Variants in CNBD1 observed in about 807,000 individuals in gnomAD.
CNBD1 encodes cyclic nucleotide binding domain containing 1, also known as cyclic nucleotide-binding domain-containing protein 1.
A neutral mutation model predicts 54.4 loss-of-function variants in CNBD1; 71 were observed. That is an observed-to-expected ratio of 1.30 (90% CI 1.08 to 1.59). The LOEUF is 1.59. CNBD1 is among the 40% of genes most tolerant of loss of function. The pLI is 0.00. For missense variants in CNBD1, 659 were observed against 518.0 expected, an observed-to-expected ratio of 1.27 and a Z score of -2.64; for synonymous variants, 182 against 170.7, an observed-to-expected ratio of 1.07 and a Z score of -0.51.
At chr8:86,880,447 G>A (rs945133562) in intron 1 of CNBD1, among the ~76,000 whole-genome samples, 4 of 152,128 alleles carry the variant, frequency 2.6e-5, no homozygotes, top group Admixed American at 6.6e-5. Flanking sequence ...AAGTGATCTA[G>A]AGAAGATTTA....
intron 8 of CNBD1, among the ~76,000 whole-genome samples, chr8:87,316,438 T>A (rs1271513780): frequency 6.6e-6 from 1 of 151,990 alleles, no homozygotes; most frequent in Non-Finnish European, 1.5e-5. Flanking sequence ...AAAACAAGAA[T>A]CTTATGTAAT....
intron 10 of CNBD1, among the ~76,000 whole-genome samples, chr8:87,379,545 AT>A (rs1362875308): frequency 6.6e-6 from 1 of 152,042 alleles, no homozygotes; most frequent in Non-Finnish European, 1.5e-5. Context: ...TGTTTGTTAA[AT>A]TTAAAAAAAA....
At chr8:87,388,337 C>T (rs558816658) in intron 2 of CNBD1, among the ~76,000 whole-genome samples, 1,706 of 150,986 alleles carry the variant, frequency 0.011, 34 homozygotes, top group African/African-American at 0.037. Flanking sequence ...AAAAGATCAA[C>T]GAAATTGATA....
At chr8:87,071,363 T>G (rs1361408252) in intron 4 of CNBD1, among the ~76,000 whole-genome samples, 1 of 152,124 alleles carries the variant, frequency 6.6e-6, no homozygotes, top group African/African-American at 2.4e-5. Flanking sequence ...CAGACATTTC[T>G]GAGAATCCTT....
At chr8:87,055,290 T>G (rs544184511) in intron 4 of CNBD1, among the ~76,000 whole-genome samples, 29 of 152,350 alleles carry the variant, frequency 1.9e-4, no homozygotes, top group South Asian at 1.7e-3. Flanking sequence ...ACTTCTCTCA[T>G]CTCTGTTGCT....
intron 6 of CNBD1, among the ~76,000 whole-genome samples, chr8:87,275,732 G>A (rs2130862111): frequency 6.6e-6 from 1 of 151,714 alleles, no homozygotes; most frequent in Non-Finnish European, 1.5e-5. Context: ...GGGCAATTAG[G>A]CAGGAGAAGG....
At chr8:87,394,987 GT>G (rs1379544473) in intron 2 of CNBD1, among the ~76,000 whole-genome samples, 3 of 151,858 alleles carry the variant, frequency 2.0e-5, no homozygotes, top group Admixed American at 6.6e-5. Context: ...AAACGATAGT[GT>G]TTTAACGTTG....
intron 2 of CNBD1, among the ~76,000 whole-genome samples, chr8:87,420,376 G>A (rs1221844706): frequency 6.6e-6 from 1 of 151,968 alleles, no homozygotes; most frequent in African/African-American, 2.4e-5. Flanking sequence ...CTCTCGGAAG[G>A]TACAAAGAAA....
intron 10 of CNBD1, 58 bp downstream of exon 10, chr8:87,353,844 T>G: frequency 7.5e-7 from 1 of 1,330,626 alleles, no homozygotes; most frequent in Non-Finnish European, 1.0e-6. Context: ...GTTCTTAAAT[T>G]TTTTAAATTT....
intron 4 of CNBD1, among the ~76,000 whole-genome samples, chr8:87,086,921 A>G (rs1177513326): frequency 1.3e-5 from 2 of 152,132 alleles, no homozygotes; most frequent in Non-Finnish European, 2.9e-5. Flanking sequence ...TACCTTAAAT[A>G]GAAAAGTGAA....
At chr8:87,054,115 T>G (rs1320987590) in intron 4 of CNBD1, among the ~76,000 whole-genome samples, 1 of 152,204 alleles carries the variant, frequency 6.6e-6, no homozygotes, top group Non-Finnish European at 1.5e-5. Flanking sequence ...AAGGTGCAGA[T>G]GAGAGAAGAG....
At chr8:87,354,151 G>A (rs993048101) in intron 10 of CNBD1, among the ~76,000 whole-genome samples, 1 of 152,134 alleles carries the variant, frequency 6.6e-6, no homozygotes, top group Non-Finnish European at 1.5e-5. Context: ...TGTCCTTCCT[G>A]CAACTTGCTG....
At chr8:87,417,652 T>A (rs1420284394) in intron 2 of CNBD1, among the ~76,000 whole-genome samples, 1 of 151,950 alleles carries the variant, frequency 6.6e-6, no homozygotes, top group Non-Finnish European at 1.5e-5. Context: ...TATTGCAATA[T>A]GCATGATCAA....
chr8:87,307,278 T>G (rs1809176103), intron 8 of CNBD1, among the ~76,000 whole-genome samples: 2 of 152,312 alleles, frequency 1.3e-5, no homozygotes, highest in African/African-American at 2.4e-5. Flanking sequence ...AGAACACAAT[T>G]TAACTGGCAT....
chr8:86,945,407 C>T (rs1807442758), intron 4 of CNBD1, among the ~76,000 whole-genome samples: 1 of 152,164 alleles, frequency 6.6e-6, no homozygotes, highest in African/African-American at 2.4e-5. Context: ...CCTGGAAGAA[C>T]ATCAGGGTTT....
chr8:87,389,561 T>A lies in CNBD1; in HGVS notation c.213+35775T>A, dbSNP rs539224009. Among the ~76,000 whole-genome samples, 8 of 152,226 alleles carry A rather than the reference T, an allele frequency of 5.3e-5. No individual in the cohort carries two copies. The East Asian group carries it at 1.5e-3, about 29-fold the overall frequency. The stretch of plus-strand genomic sequence containing the variant: ...ACTTACAAGGGACATGAATTACCTC[T>A]TCAAGGAGAACTACAAACCACTGCT... On this transcript the variant is annotated intron_variant, in intron 2 of 7. Transcript: ENST00000521593.
intron 5 of CNBD1, among the ~76,000 whole-genome samples, chr8:87,230,936 A>G (rs1236815531): frequency 1.3e-5 from 2 of 152,220 alleles, no homozygotes; most frequent in East Asian, 1.9e-4. Flanking sequence ...ATTTTGCTCA[A>G]TAATTAACAA....
intron 5 of CNBD1, among the ~76,000 whole-genome samples, chr8:87,213,659 C>A (rs1814149082): frequency 6.6e-6 from 1 of 151,966 alleles, no homozygotes; most frequent in African/African-American, 2.4e-5. Context: ...ATTCAAGATA[C>A]AATTTAGGTG....
At chr8:87,344,623 T>A (rs2130922323) in intron 8 of CNBD1, among the ~76,000 whole-genome samples, 1 of 152,100 alleles carries the variant, frequency 6.6e-6, no homozygotes, top group Non-Finnish European at 1.5e-5. Context: ...CTGTGTAGAC[T>A]ACTTTAATGT....
Sources: allele counts gnomAD v4.1 joint callset (sites outside exome capture counted in the v4.1 genomes callset), GRCh38; gene constraint gnomAD v4.1.1; transcripts MANE v1.5; gene names NCBI Gene and HGNC (gene_info 2026-07-23, HGNC 2026-07-21).